The following MRAP2 variants were observed in gnomAD, a reference collection of about 807,000 sequenced individuals.
MRAP2 encodes melanocortin 2 receptor accessory protein 2.
Under a neutral mutation model 17.4 loss-of-function variants are expected in MRAP2, and 20 were observed. The ratio of observed to expected loss-of-function variants is 1.15; its 90% CI spans 0.81 to 1.67. The LOEUF (loss-of-function observed/expected upper bound fraction) is 1.67, where lower values mean the gene tolerates loss of function less well. Among genes scored for constraint, MRAP2 ranks in the 40% most tolerant of loss-of-function variants. MRAP2 has a pLI of 0.00. For synonymous variants in MRAP2, 96 were observed against 88.4 expected (o/e 1.09, Z -0.48); for missense variants, 238 against 240.0 (o/e 0.99, Z 0.05).
the MRAP2 span, among the ~76,000 whole-genome samples, chr6:84,121,701 C>A: frequency 6.6e-6 from 1 of 152,054 alleles, no homozygotes; most frequent in African/African-American, 2.4e-5. Flanking sequence ...TCCTGAATGA[C>A]TCCTGGGGAA....
the MRAP2 span, among the ~76,000 whole-genome samples, chr6:84,104,457 C>A: frequency 6.6e-6 from 1 of 152,204 alleles, no homozygotes; most frequent in African/African-American, 2.4e-5. Context: ...ATGGGATTTT[C>A]TTTTCTATCG....
At chr6:84,064,694 A>T (rs539636913) in intron 3 of MRAP2, among the ~76,000 whole-genome samples, 49 of 152,246 alleles carry the variant, frequency 3.2e-4, no homozygotes, top group Non-Finnish European at 4.9e-4. Context: ...TCACCATGTT[A>T]GCCAGGATGG....
chr6:84,045,558 T>A (rs1176654435), intron 1 of MRAP2, among the ~76,000 whole-genome samples: 1 of 151,882 alleles, frequency 6.6e-6, no homozygotes, highest in Admixed American at 6.6e-5. Context: ...AGGCCAGGAG[T>A]TTGAGACCAG....
intron 1 of MRAP2, among the ~76,000 whole-genome samples, chr6:84,048,209 C>A (rs185171194): frequency 6.6e-6 from 1 of 152,146 alleles, no homozygotes; most frequent in Non-Finnish European, 1.5e-5. Flanking sequence ...TCTTCCACAG[C>A]GGCTGTACCT....
At chr6:84,060,568 G>A (rs763320790) in intron 2 of MRAP2, among the ~76,000 whole-genome samples, 4 of 152,194 alleles carry the variant, frequency 2.6e-5, no homozygotes, top group South Asian at 2.1e-4. Context: ...AAAGTACAGT[G>A]TAGGGAACTG....
At chr6:84,034,095 AC>A (rs1266398830) in intron 1 of MRAP2, among the ~76,000 whole-genome samples, 1 of 150,296 alleles carries the variant, frequency 6.7e-6, no homozygotes, top group Non-Finnish European at 1.5e-5. Context: ...CAAGTTTAAA[AC>A]CTTCCCGGCA....
At chr6:84,080,072 C>A (rs1427468991) in intron 3 of MRAP2, among the ~76,000 whole-genome samples, 2 of 150,676 alleles carry the variant, frequency 1.3e-5, no homozygotes, top group African/African-American at 4.9e-5. Flanking sequence ...CTTGCTTGGT[C>A]ACCCAGGCTG....
At chr6:84,079,953 A>AT (rs1025941811) in intron 3 of MRAP2, among the ~76,000 whole-genome samples, 4 of 151,766 alleles carry the variant, frequency 2.6e-5, no homozygotes, top group African/African-American at 9.7e-5. Flanking sequence ...TTTTGTGATG[A>AT]TTCTTATTAA....
the MRAP2 span, among the ~76,000 whole-genome samples, chr6:84,099,478 G>A: frequency 1.1e-4 from 16 of 152,280 alleles, no homozygotes; most frequent in East Asian, 2.9e-3. Flanking sequence ...AACCTCCGAT[G>A]TTGGAGTTGG....
chr6:84,091,239 C>CT (rs34508361), downstream of MRAP2, among the ~76,000 whole-genome samples: 12,513 of 108,046 alleles, frequency 0.12, 1,685 homozygotes, highest in African/African-American at 0.31. Flanking sequence ...AGTTTGTTAA[C>CT]TTTTTTTTTT....
chr6:84,097,794 G>T, the MRAP2 span, among the ~76,000 whole-genome samples: 1 of 151,812 alleles, frequency 6.6e-6, no homozygotes, highest in African/African-American at 2.4e-5. Context: ...TTTATTATTT[G>T]GCAGACATTG....
intron 2 of MRAP2, 137 bp downstream of exon 2, chr6:84,055,582 C>T: frequency 1.2e-6 from 1 of 823,784 alleles, no homozygotes; most frequent in South Asian, 1.7e-5. Flanking sequence ...TTCTACAAAA[C>T]ATCTCGCCTC....
At chr6:84,082,324 T>C (rs1180507710) in intron 3 of MRAP2, among the ~76,000 whole-genome samples, 1 of 152,198 alleles carries the variant, frequency 6.6e-6, no homozygotes, top group Non-Finnish European at 1.5e-5. Context: ...TTCTCTCTCG[T>C]ATTAGTATAC....
rs2099501654 is a variant in MRAP2, at chr6:84,090,868, T to C, written c.*1387T>C. 6.6e-6 allele frequency: 1 copy of C among 152,214 alleles called. No individual in the cohort carries two copies. The highest frequency in any genetic ancestry group is 1.5e-5 in the Non-Finnish European group (1 of 68,030). 9.4% of individuals were successfully genotyped at this position (152,214 alleles called of 1,614,324 possible). A position where few individuals can be genotyped will look rare whatever the true frequency, so the allele number is the denominator to read the frequency against. On this transcript the variant is annotated 3_prime_UTR_variant, in exon 4 of 4. Transcript: ENST00000257776. Reference sequence around the variant, plus strand: ...TGTCTTGCTTAAGCTACAAAATAAATGCATTTGACTGCACAGAAATTTCCT... The same window carrying C: ...TGTCTTGCTTAAGCTACAAAATAAACGCATTTGACTGCACAGAAATTTCCT...
At chr6:84,100,365 G>A in the MRAP2 span, among the ~76,000 whole-genome samples, 1 of 152,226 alleles carries the variant, frequency 6.6e-6, no homozygotes, top group African/African-American at 2.4e-5. Context: ...CTGGGCTCAA[G>A]CCATCTTCCC....
chr6:84,051,775 C>T (rs546584130), intron 1 of MRAP2, among the ~76,000 whole-genome samples: 1 of 152,186 alleles, frequency 6.6e-6, no homozygotes, highest in South Asian at 2.1e-4. Context: ...GTGTGGGAAC[C>T]TGGGTTGGAG....
intron 3 of MRAP2, among the ~76,000 whole-genome samples, chr6:84,084,909 T>TTTTA (rs778273352): frequency 5.5e-5 from 6 of 108,564 alleles, no homozygotes; most frequent in South Asian, 2.7e-4. Flanking sequence ...TTTTATTTTA[T>TTTTA]TTTATTTATT....
intron 1 of MRAP2, among the ~76,000 whole-genome samples, chr6:84,041,523 A>G (rs978058438): frequency 6.6e-5 from 10 of 152,196 alleles, no homozygotes; most frequent in African/African-American, 2.2e-4. Flanking sequence ...CAGACACTCA[A>G]TGCCAGCTGT....
At chr6:84,144,325 T>C in the MRAP2 span, among the ~76,000 whole-genome samples, 1 of 152,168 alleles carries the variant, frequency 6.6e-6, no homozygotes, top group South Asian at 2.1e-4. Context: ...ATACAATTCC[T>C]AAAAATCTGG....
Sources: gnomAD v4.1 joint callset for allele counts (sites outside exome capture counted in the v4.1 genomes callset) on GRCh38, gnomAD v4.1.1 for gene constraint, MANE v1.5 for transcripts, NCBI Gene and HGNC (gene_info 2026-07-23, HGNC 2026-07-21) for gene names.